Variants in CCDC91 observed in about 807,000 individuals in gnomAD.
CCDC91 encodes the protein coiled-coil domain-containing protein 91.
A neutral mutation model predicts 63.2 loss-of-function variants in CCDC91; 48 were observed. The ratio of observed to expected loss-of-function variants is 0.76; its 90% CI spans 0.60 to 0.97. The LOEUF (loss-of-function observed/expected upper bound fraction) is 0.97, where lower values mean the gene tolerates loss of function less well. CCDC91 is among the 50% of genes least tolerant of loss of function. CCDC91 has a pLI of 0.00. For synonymous variants in CCDC91, 167 were observed against 165.8 expected (o/e 1.01, Z -0.06); for missense variants, 500 against 494.6 (o/e 1.01, Z -0.10).
intron 8 of CCDC91, among the ~76,000 whole-genome samples, chr12:28,417,185 C>T (rs928799095): frequency 2.6e-5 from 4 of 151,896 alleles, no homozygotes; most frequent in African/African-American, 9.7e-5. Context: ...ATTGGGTTTC[C>T]TTTTTTATTA....
chr12:28,275,235 A>G (rs189791975), intron 3 of CCDC91, among the ~76,000 whole-genome samples: 1,622 of 152,218 alleles, frequency 0.011, 18 homozygotes, highest in Non-Finnish European at 0.019. Context: ...AGACTAATAA[A>G]GAAGAAAAGA....
intron 3 of CCDC91, chr12:28,302,715 C>G: frequency 1.2e-6 from 1 of 818,920 alleles, no homozygotes; most frequent in Non-Finnish European, 1.5e-6. Flanking sequence ...GTATTATTAA[C>G]TGAGATGGAA....
intron 6 of CCDC91, among the ~76,000 whole-genome samples, chr12:28,353,571 G>T (rs905120697): frequency 2.6e-5 from 4 of 152,130 alleles, no homozygotes; most frequent in Non-Finnish European, 5.9e-5. Flanking sequence ...TAATTGGCCT[G>T]ACTTCAATAT....
intron 3 of CCDC91, among the ~76,000 whole-genome samples, chr12:28,279,535 C>T (rs1592186922): frequency 2.0e-5 from 3 of 152,192 alleles, no homozygotes; most frequent in South Asian, 2.1e-4. Flanking sequence ...AGGGAGGCAC[C>T]AGCTCCTTTC....
intron 6 of CCDC91, among the ~76,000 whole-genome samples, chr12:28,338,744 G>T (rs1227655190): frequency 1.3e-5 from 2 of 152,188 alleles, no homozygotes; most frequent in Non-Finnish European, 2.9e-5. Flanking sequence ...CCATTGCCAT[G>T]TTCTGGGGAA....
chr12:28,213,634 C>T (rs1943383178), intron 1 of CCDC91, among the ~76,000 whole-genome samples: 1 of 152,182 alleles, frequency 6.6e-6, no homozygotes, highest in Non-Finnish European at 1.5e-5. Flanking sequence ...GATTTCCTTT[C>T]CCTGCATGCA....
intron 7 of CCDC91, among the ~76,000 whole-genome samples, chr12:28,381,003 G>T (rs547211373): frequency 6.6e-6 from 1 of 152,210 alleles, no homozygotes; most frequent in African/African-American, 2.4e-5. Context: ...ATAAACTGAT[G>T]AAATTTAGAC....
intron 12 of CCDC91, among the ~76,000 whole-genome samples, chr12:28,502,900 A>G (rs1409840505): frequency 6.7e-6 from 1 of 148,856 alleles, no homozygotes; most frequent in African/African-American, 2.5e-5. Context: ...CTGAAACTGG[A>G]TCCCTTCCTT....
intron 12 of CCDC91, among the ~76,000 whole-genome samples, chr12:28,522,105 T>G (rs1381890632): frequency 6.6e-6 from 1 of 152,124 alleles, no homozygotes; most frequent in Non-Finnish European, 1.5e-5. Flanking sequence ...TTAGGGAGGA[T>G]TCCCTCTTTT....
At chr12:28,484,865 T>C (rs901232279) in intron 12 of CCDC91, among the ~76,000 whole-genome samples, 48 of 150,194 alleles carry the variant, frequency 3.2e-4, no homozygotes, top group African/African-American at 1.1e-3. Flanking sequence ...AAATATATAA[T>C]AAAATTTTTC....
intron 12 of CCDC91, among the ~76,000 whole-genome samples, chr12:28,509,702 G>A (rs17526713): frequency 0.03 from 4,500 of 151,928 alleles, 103 homozygotes; most frequent in South Asian, 0.12. Flanking sequence ...TAGCCAGCTA[G>A]GTACTATTCG....
intron 11 of CCDC91, among the ~76,000 whole-genome samples, chr12:28,482,841 C>T (rs1951519006): frequency 6.6e-6 from 1 of 151,974 alleles, no homozygotes; most frequent in South Asian, 2.1e-4. Context: ...TTTGTCACTG[C>T]TGTATTTTAT....
At chr12:28,335,337 ATATT>A (rs1430902411) in intron 6 of CCDC91, among the ~76,000 whole-genome samples, 15 of 140,596 alleles carry the variant, frequency 1.1e-4, no homozygotes, top group Non-Finnish European at 2.1e-4. Flanking sequence ...TATATTATAA[ATATT>A]TATATATTTA....
intron 1 of CCDC91, among the ~76,000 whole-genome samples, chr12:28,230,193 C>T (rs1944501196): frequency 6.6e-6 from 1 of 152,172 alleles, no homozygotes; most frequent in African/African-American, 2.4e-5. Context: ...TTCTGTACTT[C>T]ATTGCCTAAG....
At chr12:28,280,538 T>C (rs556275911) in intron 3 of CCDC91, among the ~76,000 whole-genome samples, 1 of 152,260 alleles carries the variant, frequency 6.6e-6, no homozygotes, top group South Asian at 2.1e-4. Context: ...TAGAATTCTT[T>C]TTATAGTCTA....
chr12:28,484,899 A>G (rs1267214034), intron 12 of CCDC91, among the ~76,000 whole-genome samples: 1 of 150,320 alleles, frequency 6.7e-6, no homozygotes, highest in African/African-American at 2.4e-5. Context: ...TAGGATGTTT[A>G]TATGTTTAGT....
At chr12:28,262,094 T>C (rs185626407) in intron 3 of CCDC91, among the ~76,000 whole-genome samples, 9 of 152,150 alleles carry the variant, frequency 5.9e-5, no homozygotes, top group Admixed American at 5.9e-4. Context: ...GTGAGTGTGA[T>C]GTGAACAGCT....
At chr12:28,416,153 A>G (rs759948301) in intron 8 of CCDC91, among the ~76,000 whole-genome samples, 2 of 152,124 alleles carry the variant, frequency 1.3e-5, no homozygotes, top group Non-Finnish European at 2.9e-5. Flanking sequence ...ATGTCTTTAT[A>G]TCTAATAAGC....
chr12:28,272,534 A>G (rs1261213785), intron 3 of CCDC91, among the ~76,000 whole-genome samples: 1 of 150,158 alleles, frequency 6.7e-6, no homozygotes, highest in Non-Finnish European at 1.5e-5. Flanking sequence ...TTATTTCACT[A>G]CTTCTTTATT....
Sources: gnomAD v4.1 joint callset for allele counts (sites outside exome capture counted in the v4.1 genomes callset) on GRCh38, gnomAD v4.1.1 for gene constraint, MANE v1.5 for transcripts, NCBI Gene and HGNC (gene_info 2026-07-23, HGNC 2026-07-21) for gene names.